Variants in CAMKMT observed in about 807,000 individuals in gnomAD.
The protein encoded by CAMKMT is calmodulin-lysine N-methyltransferase.
A neutral mutation model predicts 48.0 loss-of-function variants in CAMKMT; 53 were observed. The observed-to-expected ratio is 1.10, with a 90% CI of 0.89 to 1.39. The LOEUF is 1.39. CAMKMT is among the 40% of genes most tolerant of loss of function. The pLI, the probability that CAMKMT is intolerant of heterozygous loss-of-function variation, is 0.00. For missense variants in CAMKMT, 428 were observed against 402.7 expected (o/e 1.06, Z -0.54); for synonymous variants, 165 against 152.3 (o/e 1.08, Z -0.61).
At chr2:44,456,751 T>C in intron 3 of CAMKMT, 1 of 748,326 alleles carries the variant, frequency 1.3e-6, no homozygotes, top group Non-Finnish European at 2.0e-6. Context: ...ATGCTAAATG[T>C]TTTTCTTTTC....
intron 3 of CAMKMT, among the ~76,000 whole-genome samples, chr2:44,411,633 A>C (rs2104479004): frequency 6.6e-6 from 1 of 152,312 alleles, no homozygotes; most frequent in African/African-American, 2.4e-5. Context: ...ATTCATTAGT[A>C]TATTGAATAT....
At chr2:44,638,058 C>A (rs150332605) in intron 3 of CAMKMT, among the ~76,000 whole-genome samples, 1,776 of 31,904 alleles carry the variant, frequency 0.056, 68 homozygotes, top group African/African-American at 0.08. Context: ...CCATCTCAAA[C>A]CAAAAAAAAA....
intron 1 of CAMKMT, chr2:44,369,608 C>A (rs1223124307): frequency 6.6e-6 from 1 of 152,162 alleles, no homozygotes; most frequent in African/African-American, 2.4e-5. Context: ...AATAAAGAAC[C>A]TGAAGCTGTC....
At chr2:44,460,933 G>C (rs1667817323) in intron 3 of CAMKMT, among the ~76,000 whole-genome samples, 1 of 151,930 alleles carries the variant, frequency 6.6e-6, no homozygotes, top group Non-Finnish European at 1.5e-5. Context: ...ATGTTGGCCA[G>C]GCTGGTCTCG....
rs117110140 is a variant in CAMKMT at position 44,771,262 on chromosome 2, T to C, written c.895-774T>C. On this transcript the variant is annotated intron_variant, in intron 10 of 10. Coordinates refer to ENST00000378494, the MANE Select transcript of CAMKMT (RefSeq NM_024766.5). Reference sequence around the variant, plus strand: ...TTATAATCTAAAAAGAAATTAACAATTGGCTCATAAATTCCAACTTCAAAA... The same window carrying C: ...TTATAATCTAAAAAGAAATTAACAACTGGCTCATAAATTCCAACTTCAAAA... 2.0e-4 allele frequency among the ~76,000 whole-genome samples: 31 copies of C among 152,294 alleles called. No individual in the cohort carries two copies. In the East Asian group the frequency reaches 5.8e-3, roughly 28 times the overall value.
At chr2:44,561,495 C>T (rs571275418) in intron 3 of CAMKMT, among the ~76,000 whole-genome samples, 17 of 152,260 alleles carry the variant, frequency 1.1e-4, no homozygotes, top group African/African-American at 4.1e-4. Context: ...TTCTTTTCCT[C>T]GTTGCTTTCA....
chr2:44,672,462 A>G (rs1412512387), intron 3 of CAMKMT, among the ~76,000 whole-genome samples: 1 of 152,016 alleles, frequency 6.6e-6, no homozygotes, highest in Non-Finnish European at 1.5e-5. Flanking sequence ...CCCCTCTTGA[A>G]TTTACTTTTG....
chr2:44,546,455 A>G (rs961406865), intron 3 of CAMKMT, among the ~76,000 whole-genome samples: 11 of 152,212 alleles, frequency 7.2e-5, no homozygotes, highest in Admixed American at 7.2e-4. Context: ...TATGGAATCG[A>G]TAAATCTCAT....
chr2:44,758,242 A>G (rs896200410), intron 9 of CAMKMT, among the ~76,000 whole-genome samples: 16 of 152,208 alleles, frequency 1.1e-4, no homozygotes, highest in Non-Finnish European at 1.9e-4. Context: ...CAGAGGGTCC[A>G]GAAGCAAAGA....
chr2:44,427,653 C>T (rs1221243754), intron 3 of CAMKMT, among the ~76,000 whole-genome samples: 1 of 152,166 alleles, frequency 6.6e-6, no homozygotes, highest in Non-Finnish European at 1.5e-5. Context: ...CAAGTATCCC[C>T]TGTATCTTAA....
At chr2:44,770,837 C>G (rs1681075290) in intron 10 of CAMKMT, among the ~76,000 whole-genome samples, 1 of 152,248 alleles carries the variant, frequency 6.6e-6, no homozygotes, top group Admixed American at 6.5e-5. Context: ...GACAACAAAT[C>G]ATCTGTACAC....
At chr2:44,449,669 A>G (rs1320971509) in intron 3 of CAMKMT, among the ~76,000 whole-genome samples, 1 of 152,174 alleles carries the variant, frequency 6.6e-6, no homozygotes, top group African/African-American at 2.4e-5. Context: ...TTTAGAAACA[A>G]TAGCATTGGC....
chr2:44,504,277 A>T (rs991668206), intron 3 of CAMKMT, among the ~76,000 whole-genome samples: 2 of 152,200 alleles, frequency 1.3e-5, no homozygotes, highest in Non-Finnish European at 2.9e-5. Flanking sequence ...ATCCTAGAAG[A>T]TAAGACACAC....
chr2:44,376,421 A>C (rs1053109474), intron 2 of CAMKMT, among the ~76,000 whole-genome samples: 2 of 102,278 alleles, frequency 2.0e-5, no homozygotes, highest in African/African-American at 8.6e-5. Flanking sequence ...CTCTGTATCA[A>C]AAAAAAAAAA....
intron 2 of CAMKMT, among the ~76,000 whole-genome samples, chr2:44,375,628 G>A (rs1228624061): frequency 6.6e-6 from 1 of 152,124 alleles, no homozygotes; most frequent in Non-Finnish European, 1.5e-5. Flanking sequence ...TCTGGGAGAA[G>A]GGGATGCCCA....
Position 44,761,491 on chromosome 2 carries a change from G to A in CAMKMT, c.763-4939G>A, listed in dbSNP as rs116782558. 7.6e-3 allele frequency among the ~76,000 whole-genome samples: 1,164 copies of A among 152,256 alleles called. 17 individuals carry two copies. Among genetic ancestry groups the A allele is most frequent in the African/African-American group, 0.026 (1,099 of 41,546 alleles). ...AGAATGTTTTGGTCAAAATTTTTTA[G>A]CCAGCACCCCAATTACAAAACAGAT... On this transcript the variant is annotated intron_variant, in intron 9 of 10. Transcript: ENST00000378494.
rs1433531841 is a variant in CAMKMT, at chr2:44,527,629, C to T, written c.376+137324C>T. Among the ~76,000 whole-genome samples the T allele has an allele frequency of 2.0e-5, 3 of 151,460 alleles. No homozygotes were observed. The East Asian group carries it at 5.8e-4, about 29-fold the overall frequency. ...ACAATAATAGAGCTTTAAGAAGCAG[C>T]AGTGTTCTGATTTTGTGCAACATGT... On this transcript the variant is annotated intron_variant, in intron 3 of 10. Coordinates refer to ENST00000378494, the MANE Select transcript of CAMKMT (RefSeq NM_024766.5).
chr2:44,689,693 C>T (rs1368619855), intron 3 of CAMKMT, among the ~76,000 whole-genome samples: 4 of 152,160 alleles, frequency 2.6e-5, no homozygotes, highest in Admixed American at 2.6e-4. Flanking sequence ...TTTTCTGGGT[C>T]CACCTGTCCT....
intron 1 of CAMKMT, among the ~76,000 whole-genome samples, chr2:44,366,713 C>CTTTTGTTAT (rs1553369045): frequency 1.1e-5 from 1 of 94,360 alleles, no homozygotes; most frequent in African/African-American, 2.9e-5. Context: ...TAAATAGCAG[C>CTTTTGTTAT]TATTGTTATT....
Sources: gnomAD v4.1 joint callset for allele counts (sites outside exome capture counted in the v4.1 genomes callset) on GRCh38, gnomAD v4.1.1 for gene constraint, MANE v1.5 for transcripts, NCBI Gene and HGNC (gene_info 2026-07-23, HGNC 2026-07-21) for gene names.